ATRNL1: variants seen among roughly 807,000 people sequenced by gnomAD.
The protein encoded by ATRNL1 is attractin-like protein 1.
In ATRNL1, 95 loss-of-function variants were observed where a neutral mutation model predicts 182.7. The observed-to-expected ratio is 0.52, with a 90% confidence interval of 0.44 to 0.62. ATRNL1 has a LOEUF of 0.62. ATRNL1 is among the 20% of genes least tolerant of loss of function. The pLI is 0.00. For missense variants in ATRNL1, 1,471 were observed against 1,679.5 expected (o/e 0.88, Z 2.17); for synonymous variants, 576 against 568.3 (o/e 1.01, Z -0.19).
intron 26 of ATRNL1, among the ~76,000 whole-genome samples, chr10:115,620,520 A>T (rs567083045): frequency 5.0e-4 from 76 of 152,332 alleles, no homozygotes; most frequent in African/African-American, 1.8e-3. Context: ...CTGTCTGGCC[A>T]TTAAACCCAG....
chr10:115,611,244 C>T (rs1340094054), intron 26 of ATRNL1, among the ~76,000 whole-genome samples: 4 of 151,878 alleles, frequency 2.6e-5, no homozygotes, highest in Admixed American at 6.6e-5. Context: ...AAAATAATTT[C>T]GTATCTAATG....
At chr10:115,285,618 A>G (rs1227203884) in intron 14 of ATRNL1, among the ~76,000 whole-genome samples, 2 of 152,064 alleles carry the variant, frequency 1.3e-5, no homozygotes, top group Non-Finnish European at 2.9e-5. Context: ...AGTATGTTTC[A>G]TTTTTAGAAA....
intron 27 of ATRNL1, among the ~76,000 whole-genome samples, chr10:115,788,324 A>C (rs552233413): frequency 6.6e-6 from 1 of 152,320 alleles, no homozygotes; most frequent in East Asian, 1.9e-4. Context: ...TCTTTTATAA[A>C]GAGGCACATC....
intron 14 of ATRNL1, among the ~76,000 whole-genome samples, chr10:115,283,599 G>C (rs563989698): frequency 6.6e-6 from 1 of 152,292 alleles, no homozygotes; most frequent in South Asian, 2.1e-4. Context: ...ATGATACTAA[G>C]AAGTTGAAAG....
chr10:115,120,319 A>C, intron 2 of ATRNL1, 51 bp downstream of exon 2: 1 of 959,668 alleles, frequency 1.0e-6, no homozygotes, highest in Non-Finnish European at 1.6e-6. Flanking sequence ...TAAATGATAA[A>C]GGTGATCATA....
intron 24 of ATRNL1, among the ~76,000 whole-genome samples, chr10:115,512,882 A>T (rs908031457): frequency 6.6e-6 from 1 of 151,932 alleles, no homozygotes; most frequent in Non-Finnish European, 1.5e-5. Flanking sequence ...CAGTTGCCCT[A>T]CATCACTTAA....
intron 27 of ATRNL1, among the ~76,000 whole-genome samples, chr10:115,768,043 C>A (rs1948899523): frequency 6.6e-6 from 1 of 152,076 alleles, no homozygotes; most frequent in Non-Finnish European, 1.5e-5. Flanking sequence ...CATCAATATA[C>A]CCAATGCTCA....
At chr10:115,520,410 A>G (rs1311001422) in intron 25 of ATRNL1, among the ~76,000 whole-genome samples, 6 of 152,218 alleles carry the variant, frequency 3.9e-5, no homozygotes, top group Admixed American at 3.9e-4. Flanking sequence ...TGTGGGCTGT[A>G]TGGTCTTCAT....
intron 5 of ATRNL1, among the ~76,000 whole-genome samples, chr10:115,135,856 T>C (rs1179631408): frequency 1.3e-5 from 2 of 152,028 alleles, no homozygotes; most frequent in African/African-American, 2.4e-5. Context: ...CATTTTTTTT[T>C]CTTTGGTTTT....
chr10:115,598,347 A>AT (rs1555014826), intron 26 of ATRNL1, among the ~76,000 whole-genome samples: 16 of 51,222 alleles, frequency 3.1e-4, no homozygotes, highest in African/African-American at 1.2e-3. Context: ...TTTATTTAAA[A>AT]AAATTATTTA....
At chr10:115,273,845 C>T (rs1851981060) in intron 13 of ATRNL1, among the ~76,000 whole-genome samples, 1 of 152,164 alleles carries the variant, frequency 6.6e-6, no homozygotes, top group South Asian at 2.1e-4. Flanking sequence ...GTTGCTCCTT[C>T]AGGGCCTCCT....
At chr10:115,663,462 G>T (rs1860816703) in intron 26 of ATRNL1, among the ~76,000 whole-genome samples, 1 of 151,920 alleles carries the variant, frequency 6.6e-6, no homozygotes, top group Admixed American at 6.6e-5. Context: ...ACTGTGCTTA[G>T]AACAGCTGTA....
At chr10:115,670,444 T>C (rs1945659860) in intron 26 of ATRNL1, among the ~76,000 whole-genome samples, 1 of 152,174 alleles carries the variant, frequency 6.6e-6, no homozygotes, top group South Asian at 2.1e-4. Flanking sequence ...AGTTGCATTT[T>C]TAAGTTTATA....
chr10:115,473,943 T>C (rs1592708806), intron 24 of ATRNL1, among the ~76,000 whole-genome samples: 1 of 151,364 alleles, frequency 6.6e-6, no homozygotes, highest in Admixed American at 6.6e-5. Flanking sequence ...ATAATTTGTT[T>C]AAGTCATGTC....
intron 26 of ATRNL1, among the ~76,000 whole-genome samples, chr10:115,694,231 C>G (rs1047755318): frequency 1.3e-5 from 2 of 150,648 alleles, no homozygotes; most frequent in Non-Finnish European, 3.0e-5. Flanking sequence ...TGTATAAAAA[C>G]TAGACCTGTC....
At chr10:115,772,552 GTA>G (rs1192600854) in intron 27 of ATRNL1, among the ~76,000 whole-genome samples, 18 of 147,194 alleles carry the variant, frequency 1.2e-4, no homozygotes, top group East Asian at 4.0e-4. Context: ...TCAATATTCT[GTA>G]TATATATATA....
At chr10:115,678,311 CTAATA>C (rs1197371696) in intron 26 of ATRNL1, among the ~76,000 whole-genome samples, 4 of 151,940 alleles carry the variant, frequency 2.6e-5, no homozygotes, top group African/African-American at 4.8e-5. Context: ...TATGATTTAA[CTAATA>C]TAAGTACAAT....
Position 115,473,616 on chromosome 10 carries a change from C to G in ATRNL1, c.3654+4287C>G, listed in dbSNP as rs140508680. Among the ~76,000 whole-genome samples, 382 of 151,406 alleles carry G rather than the reference C, an allele frequency of 2.5e-3. 1 individual carries two copies. Among genetic ancestry groups the G allele is most frequent in the African/African-American group, 8.9e-3 (368 of 41,458 alleles). Reference sequence around the variant, plus strand: ...CATAAGTTCGGAAGTGTTCACTCTACTTCATCTTTTTGGAAGAGTTTGAGA... The same window carrying G: ...CATAAGTTCGGAAGTGTTCACTCTAGTTCATCTTTTTGGAAGAGTTTGAGA... On this transcript the variant is annotated intron_variant, in intron 24 of 28. Coordinates refer to ENST00000355044, the MANE Select transcript of ATRNL1 (RefSeq NM_207303.4).
chr10:115,289,684 A>G (rs1245755351), intron 15 of ATRNL1, among the ~76,000 whole-genome samples: 1 of 152,176 alleles, frequency 6.6e-6, no homozygotes, highest in East Asian at 1.9e-4. Flanking sequence ...GTCAAAAATC[A>G]GCTGGCTGCA....
Sources: gnomAD v4.1 joint callset for allele counts (sites outside exome capture counted in the v4.1 genomes callset) on GRCh38, gnomAD v4.1.1 for gene constraint, MANE v1.5 for transcripts, NCBI Gene and HGNC (gene_info 2026-07-23, HGNC 2026-07-21) for gene names.